The following PDE3A variants were observed in gnomAD, a reference collection of about 807,000 sequenced individuals.
PDE3A encodes the protein cGMP-inhibited 3',5'-cyclic phosphodiesterase 3A.
A neutral mutation model predicts 98.3 loss-of-function variants in PDE3A; 43 were observed. That is an observed-to-expected ratio of 0.44 (90% confidence interval 0.34 to 0.56). The LOEUF (loss-of-function observed/expected upper bound fraction) is 0.56. Among genes scored for constraint, PDE3A ranks in the 20% least tolerant of loss-of-function variants. PDE3A has a pLI of 0.01. For missense variants in PDE3A, 1,427 were observed against 1,440.7 expected, an observed-to-expected ratio of 0.99 and a Z score of 0.15; for synonymous variants, 663 against 567.9, an observed-to-expected ratio of 1.17 and a Z score of -2.38.
intron 10 of PDE3A, among the ~76,000 whole-genome samples, chr12:20,645,174 C>T (rs1944747337): frequency 7.8e-6 from 1 of 128,212 alleles, no homozygotes; most frequent in Admixed American, 7.7e-5. Flanking sequence ...CAGGCATGAG[C>T]CACTGCACCT....
Position 20,626,146 on chromosome 12 carries a change from CT to C in PDE3A, c.1541-3760del, listed in dbSNP as rs1484859651. Among the ~76,000 whole-genome samples, 3 of 147,692 alleles carry C rather than the reference CT, an allele frequency of 2.0e-5. No individual in the cohort carries two copies. In the East Asian group the frequency reaches 5.8e-4, roughly 29 times the overall value. On this transcript the variant is annotated intron_variant, in intron 5 of 15. Transcript: ENST00000359062. The stretch of plus-strand genomic sequence containing the variant: ...AAAGCATTTTAGAAAATTTTAAAAA[CT>C]TCCAAAGGTTATTCATCCCTATTCC...
chr12:20,426,827 T>C (rs1226090636), intron 1 of PDE3A, among the ~76,000 whole-genome samples: 2 of 152,216 alleles, frequency 1.3e-5, no homozygotes, highest in Non-Finnish European at 2.9e-5. Context: ...TACATTCAGT[T>C]ACATTCACTA....
At chr12:20,449,858 T>C (rs949060165) in intron 1 of PDE3A, 12 of 603,090 alleles carry the variant, frequency 2.0e-5, no homozygotes, top group Admixed American at 2.9e-5. Flanking sequence ...CCTGCCCCTT[T>C]TAGTGGACAT....
chr12:20,636,969 T>G (rs891088232), intron 8 of PDE3A, 131 bp from the exon 9 acceptor site: 1 of 557,982 alleles, frequency 1.8e-6, no homozygotes, highest in Non-Finnish European at 3.1e-6. Context: ...TAAGCAAAGA[T>G]CACTTATTCA....
intron 1 of PDE3A, among the ~76,000 whole-genome samples, chr12:20,405,130 G>C (rs1251975730): frequency 6.6e-6 from 1 of 152,094 alleles, no homozygotes; most frequent in Non-Finnish European, 1.5e-5. Flanking sequence ...AGGAAGTATG[G>C]TCCATGCTGC....
chr12:20,654,413 T>C (rs981052815), intron 15 of PDE3A, among the ~76,000 whole-genome samples: 55 of 152,294 alleles, frequency 3.6e-4, no homozygotes, highest in African/African-American at 1.3e-3. Context: ...GATACAAAGA[T>C]ATCTTCTCCG....
intron 3 of PDE3A, among the ~76,000 whole-genome samples, chr12:20,615,619 T>G (rs1943985431): frequency 6.6e-6 from 1 of 152,168 alleles, no homozygotes; most frequent in Non-Finnish European, 1.5e-5. Context: ...TAAATCCTGT[T>G]GAATAAATAT....
At chr12:20,507,130 C>T (rs61912087) in intron 1 of PDE3A, among the ~76,000 whole-genome samples, 1 of 151,734 alleles carries the variant, frequency 6.6e-6, no homozygotes, top group Non-Finnish European at 1.5e-5. Context: ...TTTTTTTCCC[C>T]TCATCCCAGA....
At chr12:20,502,786 A>T (rs1303806400) in intron 1 of PDE3A, among the ~76,000 whole-genome samples, 1 of 152,190 alleles carries the variant, frequency 6.6e-6, no homozygotes, top group Non-Finnish European at 1.5e-5. Context: ...AATAAATACC[A>T]GAATCACAGT....
intron 1 of PDE3A, among the ~76,000 whole-genome samples, chr12:20,542,471 A>G (rs1338631845): frequency 1.5e-5 from 2 of 131,998 alleles, no homozygotes; most frequent in African/African-American, 5.5e-5. Context: ...ACACACACAC[A>G]CATACACTTT....
chr12:20,503,385 T>C (rs780145245), intron 1 of PDE3A, among the ~76,000 whole-genome samples: 12 of 152,080 alleles, frequency 7.9e-5, no homozygotes, highest in Non-Finnish European at 2.9e-5. Flanking sequence ...GTAATAGATT[T>C]TTGATATAAG....
intron 1 of PDE3A, among the ~76,000 whole-genome samples, chr12:20,550,791 C>T (rs1942179234): frequency 6.6e-6 from 1 of 151,894 alleles, no homozygotes; most frequent in Admixed American, 6.6e-5. Context: ...ATACTGTGAA[C>T]ATTTCACATG....
chr12:20,577,274 C>T (rs902331262), intron 2 of PDE3A, among the ~76,000 whole-genome samples: 15 of 152,056 alleles, frequency 9.9e-5, no homozygotes, highest in South Asian at 4.1e-4. Flanking sequence ...TTCTAGAGCA[C>T]GCAATCCATG....
At chr12:20,669,882 C>G (rs2120410754) in intron 15 of PDE3A, among the ~76,000 whole-genome samples, 1 of 151,898 alleles carries the variant, frequency 6.6e-6, no homozygotes, top group African/African-American at 2.4e-5. Context: ...ACTAAATGCT[C>G]CAATTAAAAG....
intron 1 of PDE3A, among the ~76,000 whole-genome samples, chr12:20,454,269 A>G (rs1311182748): frequency 6.6e-6 from 1 of 151,818 alleles, no homozygotes; most frequent in Non-Finnish European, 1.5e-5. Flanking sequence ...CACATAGATT[A>G]TTTTTTCACT....
chr12:20,585,576 CTG>C (rs1943173306), intron 2 of PDE3A, among the ~76,000 whole-genome samples: 1 of 152,190 alleles, frequency 6.6e-6, no homozygotes, highest in Non-Finnish European at 1.5e-5. Context: ...AACAAAACTT[CTG>C]TGAGTCTGAA....
At chr12:20,603,225 C>G (rs964044381) in intron 2 of PDE3A, among the ~76,000 whole-genome samples, 11 of 152,218 alleles carry the variant, frequency 7.2e-5, no homozygotes, top group Non-Finnish European at 8.8e-5. Context: ...CTTATCCCAA[C>G]TCCCTTTCCA....
chr12:20,571,330 C>T (rs958436596), intron 2 of PDE3A, among the ~76,000 whole-genome samples: 9 of 152,062 alleles, frequency 5.9e-5, no homozygotes, highest in Admixed American at 2.6e-4. Flanking sequence ...AGGATTGATA[C>T]AGGTCTCTCT....
At chr12:20,489,145 A>T (rs1945784660) in intron 1 of PDE3A, among the ~76,000 whole-genome samples, 1 of 152,232 alleles carries the variant, frequency 6.6e-6, no homozygotes, top group Non-Finnish European at 1.5e-5. Flanking sequence ...ACAGTTAAGT[A>T]TAGATTTTTA....
Sources: gnomAD v4.1 joint callset for allele counts (sites outside exome capture counted in the v4.1 genomes callset) on GRCh38, gnomAD v4.1.1 for gene constraint, MANE v1.5 for transcripts, NCBI Gene and HGNC (gene_info 2026-07-23, HGNC 2026-07-21) for gene names.